Variants in EVA1C observed in about 807,000 individuals in gnomAD.
EVA1C encodes protein eva-1 homolog C.
EVA1C carries 25 observed loss-of-function variants against 45.4 expected under a neutral mutation model. That is an observed-to-expected ratio of 0.55 (90% CI 0.40 to 0.77). The LOEUF (loss-of-function observed/expected upper bound fraction) is 0.77, where lower values mean the gene tolerates loss of function less well. Among genes scored for constraint, EVA1C ranks in the 30% least tolerant of loss-of-function variants. EVA1C has a pLI of 0.00. For missense variants in EVA1C, 479 were observed against 554.8 expected (o/e 0.86, Z 1.37); for synonymous variants, 190 against 221.2 (o/e 0.86, Z 1.25).
chr21:32,449,031 A>AGAAG (rs2035477590), intron 1 of EVA1C, among the ~76,000 whole-genome samples: 1 of 151,622 alleles, frequency 6.6e-6, no homozygotes, highest in African/African-American at 2.4e-5. Context: ...AAGGAAGGAA[A>AGAAG]GAAGGAAGGA....
intron 1 of EVA1C, among the ~76,000 whole-genome samples, chr21:32,430,348 G>C (rs927118377): frequency 8.6e-5 from 13 of 151,976 alleles, no homozygotes; most frequent in African/African-American, 3.1e-4. Context: ...ATAATGACAG[G>C]ACCCGCCAGC....
At chr21:32,480,302 T>TAAAAAAAAAAAAAAAAAAAAAAA (rs56902183) in intron 4 of EVA1C, among the ~76,000 whole-genome samples, 2 of 105,188 alleles carry the variant, frequency 1.9e-5, no homozygotes, top group African/African-American at 8.4e-5. Context: ...CCCTGTCTCT[T>TAAAAAAAAAAAAAAAAAAAAAAA]AAAAAAAAAA....
chr21:32,443,340 C>T (rs1369116278), intron 1 of EVA1C, among the ~76,000 whole-genome samples: 1 of 152,074 alleles, frequency 6.6e-6, no homozygotes, highest in African/African-American at 2.4e-5. Flanking sequence ...TGGAGATCAG[C>T]CTGACCAACA....
At chr21:32,430,522 A>T (rs370658151) in intron 1 of EVA1C, among the ~76,000 whole-genome samples, 1 of 151,920 alleles carries the variant, frequency 6.6e-6, no homozygotes, top group Admixed American at 6.6e-5. Context: ...CATACCTGAG[A>T]CTGGGTAATT....
intron 4 of EVA1C, among the ~76,000 whole-genome samples, chr21:32,472,586 T>C (rs1341264327): frequency 6.6e-6 from 1 of 151,856 alleles, no homozygotes; most frequent in Non-Finnish European, 1.5e-5. Flanking sequence ...CAGTGAGCTA[T>C]GATCGCACCT....
intron 3 of EVA1C, among the ~76,000 whole-genome samples, chr21:32,463,166 T>C (rs976887984): frequency 2.0e-5 from 3 of 152,222 alleles, no homozygotes; most frequent in African/African-American, 7.2e-5. Flanking sequence ...TTGCTTTTAA[T>C]GGCAAAAATC....
intron 3 of EVA1C, among the ~76,000 whole-genome samples, chr21:32,467,462 G>A (rs1255560876): frequency 1.3e-5 from 2 of 152,110 alleles, no homozygotes; most frequent in Admixed American, 6.6e-5. Flanking sequence ...TCCTCCATTT[G>A]CCCCTTAGTT....
intron 1 of EVA1C, among the ~76,000 whole-genome samples, chr21:32,448,922 A>AAG (rs1207002046): frequency 1.2e-3 from 176 of 151,344 alleles, no homozygotes; most frequent in African/African-American, 4.0e-3. Flanking sequence ...AAAAGAGAGA[A>AAG]AGAAAGAAAG....
chr21:32,438,868 G>T (rs563974481), intron 1 of EVA1C, among the ~76,000 whole-genome samples: 24 of 152,206 alleles, frequency 1.6e-4, no homozygotes, highest in African/African-American at 4.8e-4. Context: ...GAGGCTCAGA[G>T]ACAGATGAAT....
intron 4 of EVA1C, among the ~76,000 whole-genome samples, chr21:32,485,765 C>T (rs113765510): frequency 0.033 from 4,954 of 152,310 alleles, 282 homozygotes; most frequent in African/African-American, 0.11. Flanking sequence ...GGTTCTAGGG[C>T]ACACACTACC....
intron 4 of EVA1C, among the ~76,000 whole-genome samples, chr21:32,486,187 G>C (rs2036967824): frequency 6.6e-6 from 1 of 152,164 alleles, no homozygotes; most frequent in South Asian, 2.1e-4. Context: ...GCAGTGGCAT[G>C]ATCTTGGCTT....
At chr21:32,431,366 G>A (rs898768401) in intron 1 of EVA1C, among the ~76,000 whole-genome samples, 3 of 152,200 alleles carry the variant, frequency 2.0e-5, no homozygotes, top group Non-Finnish European at 2.9e-5. Context: ...GCAGACATGG[G>A]GGGCTCAGAA....
rs181340187 is a variant in EVA1C at position 32,465,740 on chromosome 21, C to T, written c.482-1956C>T. Among the ~76,000 whole-genome samples the T allele has an allele frequency of 3.3e-3, 508 of 152,232 alleles. 2 individuals carry two copies. Among genetic ancestry groups the T allele is most frequent in the Non-Finnish European group, 4.9e-3 (334 of 68,028 alleles). ...CTCAAACTCCTGACCTCAGGTGATC[C>T]GCCCGCCTTGGCCTCTCAAAGTGCT... On this transcript the variant is annotated intron_variant, in intron 3 of 7. Transcript: ENST00000300255.
chr21:32,467,396 C>G (rs566921015), intron 3 of EVA1C, among the ~76,000 whole-genome samples: 1 of 152,296 alleles, frequency 6.6e-6, no homozygotes, highest in East Asian at 1.9e-4. Flanking sequence ...TCCTTTCTAG[C>G]CAGGTCCTTC....
chr21:32,436,551 C>G (rs527497168), intron 1 of EVA1C, among the ~76,000 whole-genome samples: 194 of 152,408 alleles, frequency 1.3e-3, no homozygotes, highest in African/African-American at 4.4e-3. Context: ...GTAGAAAAGG[C>G]TGGGAGAGAG....
At chr21:32,489,096 A>C (rs2037071868) in intron 4 of EVA1C, among the ~76,000 whole-genome samples, 1 of 152,212 alleles carries the variant, frequency 6.6e-6, no homozygotes, top group Admixed American at 6.5e-5. Context: ...ATTGTGCAGA[A>C]GCTTTTTAGC....
At chr21:32,412,252 A>T (rs977575663), upstream of EVA1C, 1 of 152,090 alleles carries the variant, frequency 6.6e-6, no homozygotes, top group African/African-American at 2.4e-5. Flanking sequence ...CAGCGGTGCG[A>T]TCCCACGCCT....
chr21:32,444,974 C>A (rs1238993708), intron 1 of EVA1C, among the ~76,000 whole-genome samples: 1 of 152,168 alleles, frequency 6.6e-6, no homozygotes, highest in Non-Finnish European at 1.5e-5. Flanking sequence ...TTATTTACAT[C>A]ATTCTGGTAT....
At chr21:32,507,718 ATG>A (rs796868629) in intron 7 of EVA1C, among the ~76,000 whole-genome samples, 75 of 148,972 alleles carry the variant, frequency 5.0e-4, no homozygotes, top group African/African-American at 1.7e-3. Context: ...GTGTGTGTGC[ATG>A]TGTGTGCATA....
Sources: allele counts gnomAD v4.1 joint callset (sites outside exome capture counted in the v4.1 genomes callset), GRCh38; gene constraint gnomAD v4.1.1; transcripts MANE v1.5; gene names NCBI Gene and HGNC (gene_info 2026-07-23, HGNC 2026-07-21).